Variants in INPP5J observed in about 807,000 individuals in gnomAD.
INPP5J encodes the protein inositol polyphosphate-5-phosphatase J.
INPP5J carries 75 observed loss-of-function variants against 86.6 expected under a neutral mutation model. That is an observed-to-expected ratio of 0.87 (90% CI 0.72 to 1.05). The LOEUF is 1.05. Ranked by LOEUF, INPP5J falls within the 50% of genes least tolerant of loss-of-function variation. The pLI is 0.00. For missense variants in INPP5J, 1,229 were observed against 1,341.2 expected (o/e 0.92, Z 1.31); for synonymous variants, 540 against 550.0 (o/e 0.98, Z 0.25).
chr22:31,130,657 C>T (rs143371224), intron 9 of INPP5J, among the ~76,000 whole-genome samples: 23 of 152,198 alleles, frequency 1.5e-4, no homozygotes, highest in African/African-American at 5.1e-4. Flanking sequence ...TTCATTCATT[C>T]GTTATTTACT....
At chr22:31,127,087 A>G in intron 5 of INPP5J, 50 bp downstream of exon 5, 1 of 1,261,992 alleles carries the variant, frequency 7.9e-7, no homozygotes, top group African/African-American at 1.5e-5. Flanking sequence ...AGGGGGCTTT[A>G]GATTAGTCCC....
intron 1 of INPP5J, 22 bp downstream of exon 1, chr22:31,123,141 G>GC (rs770890921): frequency 9.2e-6 from 13 of 1,415,730 alleles, no homozygotes; most frequent in African/African-American, 4.6e-5. Flanking sequence ...GAGACCCAGT[G>GC]CCCCCCGCTT....
At position 31,123,217 on chromosome 22, in the gene INPP5J, G is replaced by C. The variant is rs368575680; in HGVS notation, c.105+98G>C. 110 of 746,840 alleles carry C rather than the reference G, an allele frequency of 1.5e-4. No homozygotes were observed. In the East Asian group the frequency reaches 2.4e-3, roughly 16 times the overall value. The allele number at this position is 746,840 out of a possible 1,614,324, so 46.3% of individuals were successfully genotyped here. A position where few individuals can be genotyped will look rare whatever the true frequency, so the allele number is the denominator to read the frequency against. On this transcript the variant is annotated intron_variant, in intron 1 of 12. Coordinates refer to ENST00000331075, the MANE Select transcript of INPP5J (RefSeq NM_001284285.2). ...CAGGCTCCCTGGTGCTCCTGACTGA[G>C]GGGCTGGTACTTTCCTCTGCTCAGC... is the stretch of plus-strand genomic sequence containing the variant.
At chr22:31,131,223 G>T (rs1922035230) in intron 9 of INPP5J, among the ~76,000 whole-genome samples, 1 of 152,062 alleles carries the variant, frequency 6.6e-6, no homozygotes, top group African/African-American at 2.4e-5. Flanking sequence ...CACTCCTTTT[G>T]ACACCCCATC....
At chr22:31,132,746 G>GAA (rs34906644) in intron 9 of INPP5J, among the ~76,000 whole-genome samples, 7 of 135,374 alleles carry the variant, frequency 5.2e-5, no homozygotes, top group Non-Finnish European at 7.8e-5. Context: ...CTCAGAAAAA[G>GAA]AAAAAAAAAA....
At chr22:31,128,087 C>T (rs1175529900) in intron 7 of INPP5J, 25 bp downstream of exon 7, 5 of 1,551,228 alleles carry the variant, frequency 3.2e-6, no homozygotes, top group Admixed American at 1.7e-5. Flanking sequence ...CCCAGAAGCA[C>T]ACAGAGCATG....
chr22:31,128,423 A>G, intron 8 of INPP5J, 48 bp from the exon 9 acceptor site: 1 of 1,602,684 alleles, frequency 6.2e-7, no homozygotes, highest in East Asian at 2.2e-5. Context: ...GGAGGGTTAC[A>G]TCTTGATCCC....
rs1921313554 is a variant in INPP5J, at chr22:31,125,678, A to G, written c.939A>G (p.Ser313=). Residue 313 remains serine, a synonymous_variant, in exon 2 of 13, where the codon TCA becomes TCG. Transcript: ENST00000331075. ...CCTTGGATGTGGGCCAGGGTCCTTCAGAGCCTGGCACTCACTCCCCTGGAC... is the reference window on the plus strand; with the variant it reads ...CCTTGGATGTGGGCCAGGGTCCTTCGGAGCCTGGCACTCACTCCCCTGGAC... ...TLPLDVGQGP[S]EPGTHSPGLL... 6.4e-7 allele frequency: 1 copy of G among 1,550,506 alleles called. No individual in the cohort carries two copies. Among genetic ancestry groups the G allele is most frequent in the Non-Finnish European group, 8.7e-7 (1 of 1,146,882 alleles).
At position 31,125,316 on chromosome 22, in the gene INPP5J, G is replaced by A; in HGVS notation, c.577G>A (p.Glu193Lys). 2.6e-6 allele frequency: 4 copies of A among 1,550,514 alleles called. No homozygotes were observed. Among genetic ancestry groups the A allele is most frequent in the Non-Finnish European group, 3.5e-6 (4 of 1,146,966 alleles). ...CCTGAGCCTGGCCCTGGCTTCTGAG[G>A]AGCAGCCCCCAGAACTCCCCTCCAC... The part of the protein sequence containing the change: ...SGLSLALASE[E>K]QPPELPSTPS... The change falls in exon 2 of 13, where the codon GAG becomes AAG. Residue 193 changes from glutamate to lysine, a missense_variant. Coordinates refer to ENST00000331075, the MANE Select transcript of INPP5J (RefSeq NM_001284285.2).
intron 9 of INPP5J, 77 bp from the exon 10 acceptor site, chr22:31,133,021 A>G (rs1269127673): frequency 6.5e-7 from 1 of 1,532,266 alleles, no homozygotes; most frequent in Non-Finnish European, 8.8e-7. Context: ...TTGTGCTAAG[A>G]CCCAAGAGCC....
At position 31,123,216 on chromosome 22, in the gene INPP5J, A is replaced by C. The variant is rs950918392; in HGVS notation, c.105+97A>C. On this transcript the variant is annotated intron_variant, in intron 1 of 12. Transcript: ENST00000331075. ...GCAGGCTCCCTGGTGCTCCTGACTG[A>C]GGGGCTGGTACTTTCCTCTGCTCAG... 2.8e-5 allele frequency: 21 copies of C among 742,494 alleles called. No individual in the cohort carries two copies. The African/African-American group carries it at 3.2e-4, about 11-fold the overall frequency. 46.0% of individuals were successfully genotyped at this position (742,494 alleles called of 1,614,324 possible). A position where few individuals can be genotyped will look rare whatever the true frequency, so the allele number is the denominator to read the frequency against.
rs1367248488 is a variant in INPP5J at position 31,127,339 on chromosome 22, C to T, written c.1612-18C>T. 6.3e-7 allele frequency: 1 copy of T among 1,593,542 alleles called. No homozygotes were observed. ...GGCCTAAGCCCCGCCCATGAGCCATCCGACCCTGCCTCCCTAGGGTAACAA... is the reference window on the plus strand; with the variant it reads ...GGCCTAAGCCCCGCCCATGAGCCATTCGACCCTGCCTCCCTAGGGTAACAA... On this transcript the variant is annotated intron_variant, in intron 5 of 12. Transcript: ENST00000331075.
At chr22:31,127,091 T>A in intron 5 of INPP5J, 54 bp downstream of exon 5, 1 of 1,221,396 alleles carries the variant, frequency 8.2e-7, no homozygotes, top group Non-Finnish European at 1.2e-6. Context: ...GGCTTTAGAT[T>A]AGTCCCCCCG....
In INPP5J at chr22:31,133,675, C is replaced by A; in HGVS notation, c.2475C>A (p.His825Gln). ...HGDFILGYYS[H>Q]NHSILIGITE... ...ACTTCATCCTGGGCTACTATAGTCA[C>A]AACCACAGCATCCTCATCGGCATCA... The change falls in exon 12 of 13, where the codon CAC becomes CAA. Residue 825 changes from histidine to glutamine, a missense_variant. Transcript: ENST00000331075. The A allele has an allele frequency of 6.2e-7, 1 of 1,613,328 alleles. No individual in the cohort carries two copies. Among genetic ancestry groups the A allele is most frequent in the African/African-American group, 1.3e-5 (1 of 75,026 alleles).
In INPP5J at chr22:31,126,948, A is replaced by T; in HGVS notation, c.1522A>T (p.Ile508Phe). ...LVSSVRMQGV[I>F]LLLFAKYYHL... The stretch of plus-strand genomic sequence containing the variant: ...GAGTTCGGTGAGGATGCAGGGTGTC[A>T]TCCTGCTGCTGTTCGCCAAGTACTA... The change falls in exon 5 of 13, where the codon ATC becomes TTC. Residue 508 changes from isoleucine (I) to phenylalanine (F), a missense_variant. Transcript: ENST00000331075. The T allele has an allele frequency of 6.2e-7, 1 of 1,610,428 alleles. No individual in the cohort carries two copies. Among genetic ancestry groups the T allele is most frequent in the Non-Finnish European group, 8.5e-7 (1 of 1,178,392 alleles).
chr22:31,128,765 TC>T, intron 9 of INPP5J, 111 bp downstream of exon 9: 1 of 952,244 alleles, frequency 1.1e-6, no homozygotes, highest in Non-Finnish European at 1.6e-6. Flanking sequence ...CTCAGCAGCA[TC>T]CATTTGTTGT....
intron 12 of INPP5J, 95 bp from the exon 13 acceptor site, chr22:31,133,818 C>T (rs1922322286): frequency 1.3e-6 from 2 of 1,592,934 alleles, no homozygotes; most frequent in Non-Finnish European, 1.7e-6. Flanking sequence ...CCTGACCTCC[C>T]AAGATCTGCC....
rs763152505 is a variant in INPP5J at position 31,126,009 on chromosome 22, C to T, written c.1270C>T (p.Arg424Trp). The T allele has an allele frequency of 8.3e-6, 13 of 1,559,730 alleles. No homozygotes were observed. In the East Asian group the frequency reaches 1.8e-4, roughly 22 times the overall value. The change falls in exon 2 of 13, where the codon CGG (arginine) becomes TGG (tryptophan). Residue 424 changes from arginine to tryptophan, a missense_variant and splice_region_variant. Physicochemically the swap from Arg to Trp is moderately radical, Grantham distance 101. Transcript: ENST00000331075. ...TACCTGGAAGAGCGACCCCGGCTTC[C>T]GGTGAGGGGGCCCTCTCCCAAGAAA... The part of the protein sequence containing the change: ...QPTWKSDPGF[R>W]ITVVTWNVGT...
intron 12 of INPP5J, 46 bp downstream of exon 12, chr22:31,133,760 T>G (rs757735412): frequency 7.3e-5 from 115 of 1,576,354 alleles, no homozygotes; most frequent in Non-Finnish European, 9.0e-5. Flanking sequence ...AAGACTTTTG[T>G]CAAATGCCAC....
Sources: gnomAD v4.1 joint callset for allele counts (sites outside exome capture counted in the v4.1 genomes callset) on GRCh38, gnomAD v4.1.1 for gene constraint, MANE v1.5 for transcripts, NCBI Gene and HGNC (gene_info 2026-07-23, HGNC 2026-07-21) for gene names.